The following PANX1 variants were observed in gnomAD, a reference collection of about 807,000 sequenced individuals.
The protein encoded by PANX1 is pannexin-1.
A neutral mutation model predicts 38.7 loss-of-function variants in PANX1; 30 were observed. That is an observed-to-expected ratio of 0.78 (90% CI 0.58 to 1.05). The LOEUF (loss-of-function observed/expected upper bound fraction) is 1.05. Among genes scored for constraint, PANX1 ranks in the 50% least tolerant of loss-of-function variants. The probability of loss-of-function intolerance (pLI) is 0.00; values close to 1 mark genes in which losing one functional copy is unlikely to be tolerated. For synonymous variants in PANX1, 230 were observed against 212.2 expected (o/e 1.08, Z -0.73); for missense variants, 551 against 517.2 (o/e 1.07, Z -0.63).
Position 94,168,323 on chromosome 11 carries a change from ACTAACCAGATGGATGGG to A in PANX1, c.322-10041_322-10025del, listed in dbSNP as rs1263829425. Among the ~76,000 whole-genome samples the A allele has an allele frequency of 2.2e-4, 34 of 152,156 alleles. No homozygotes were observed. In the South Asian group the frequency reaches 6.0e-3, roughly 27 times the overall value. On this transcript the variant is annotated intron_variant, in intron 2 of 4. Coordinates refer to ENST00000227638, the MANE Select transcript of PANX1 (RefSeq NM_015368.4). Reference sequence around the variant, plus strand: ...GGCTAGGTTACAGGGGACTTTGAAAACTAACCAGATGGATGGGCTAAATGCTGGGGACAGCGGGAGCC... The same window carrying A: ...GGCTAGGTTACAGGGGACTTTGAAAACTAAATGCTGGGGACAGCGGGAGCC...
rs1373402614 is a variant in PANX1 at position 94,128,972 on chromosome 11, C to T, written c.-341C>T. 5.3e-6 allele frequency: 1 copy of T among 189,748 alleles called. No homozygotes were observed. Among genetic ancestry groups the T allele is most frequent in the Non-Finnish European group, 1.1e-5 (1 of 93,574 alleles). The allele number at this position is 189,748 out of a possible 1,614,324, so 11.8% of individuals were successfully genotyped here. ...GGCCAGAGGGAAGCGCTTTGTTCCGCGCGTGGTTCCCGCGCCTGGGGGTGC... is the reference window on the plus strand; with the variant it reads ...GGCCAGAGGGAAGCGCTTTGTTCCGTGCGTGGTTCCCGCGCCTGGGGGTGC... On this transcript the variant is annotated 5_prime_UTR_variant, in exon 1 of 5. Coordinates refer to ENST00000227638, the MANE Select transcript of PANX1 (RefSeq NM_015368.4).
rs964306097 is a variant in PANX1 at position 94,137,034 on chromosome 11, A to G, written c.181+7541A>G. Among the ~76,000 whole-genome samples the G allele has an allele frequency of 4.6e-5, 7 of 151,274 alleles. No homozygotes were observed. The East Asian group carries it at 1.2e-3, about 26-fold the overall frequency. Reference sequence around the variant, plus strand: ...ATGGGGGGAGGTGCTACACATTTCTAGTGGCTCACACCTGTAATCCCAGCA... The same window carrying G: ...ATGGGGGGAGGTGCTACACATTTCTGGTGGCTCACACCTGTAATCCCAGCA... On this transcript the variant is annotated intron_variant, in intron 1 of 4. Coordinates refer to ENST00000227638, the MANE Select transcript of PANX1 (RefSeq NM_015368.4).
At chr11:94,177,058 C>T (rs1039073836) in intron 2 of PANX1, among the ~76,000 whole-genome samples, 2 of 151,742 alleles carry the variant, frequency 1.3e-5, no homozygotes, top group Non-Finnish European at 2.9e-5. Context: ...ATCTTCATGA[C>T]ACCTCTATTC....
chr11:94,165,369 TAA>T (rs1426970643), intron 2 of PANX1, among the ~76,000 whole-genome samples: 1 of 151,738 alleles, frequency 6.6e-6, no homozygotes, highest in Non-Finnish European at 1.5e-5. Context: ...TATTATACTT[TAA>T]GTTTTAGGGT....
intron 2 of PANX1, among the ~76,000 whole-genome samples, chr11:94,155,762 A>G (rs1477076060): frequency 1.3e-5 from 2 of 152,152 alleles, no homozygotes; most frequent in Admixed American, 1.3e-4. Context: ...TCAAGCGTCA[A>G]CTGTACTGCT....
rs1172507876 is a variant in PANX1 at position 94,180,111 on chromosome 11, A to C, written c.1055A>C (p.Glu352Ala). ...VKSYKCLKVL[E>A]NIKSSGQGID... ...TCATACAAGTGTCTTAAGGTACTGG[A>C]GAATATTAAGAGCAGTGGTCAGGGG... Residue 352 changes from glutamate (E) to alanine (A), a missense_variant, in exon 4 of 5, where the codon GAG becomes GCG. Coordinates refer to ENST00000227638, the MANE Select transcript of PANX1 (RefSeq NM_015368.4). The C allele has an allele frequency of 1.9e-6, 3 of 1,613,904 alleles. No homozygotes were observed. Among genetic ancestry groups the C allele is most frequent in the Non-Finnish European group, 2.5e-6 (3 of 1,179,992 alleles).
In PANX1 at chr11:94,165,207, A is replaced by G. The variant is rs376474757; in HGVS notation, c.321+11577A>G. Among the ~76,000 whole-genome samples the G allele has an allele frequency of 1.1e-4, 16 of 151,720 alleles. No homozygotes were observed. The East Asian group carries it at 2.1e-3, about 20-fold the overall frequency. The stretch of plus-strand genomic sequence containing the variant: ...TGATAGGTAAGGACTTACTACTGCA[A>G]TTTTGTTATTTGTTTTCTGGTTGTT... On this transcript the variant is annotated intron_variant, in intron 2 of 4. Coordinates refer to ENST00000227638, the MANE Select transcript of PANX1 (RefSeq NM_015368.4).
chr11:94,144,259 C>A (rs1367379630), intron 1 of PANX1, among the ~76,000 whole-genome samples: 1 of 152,032 alleles, frequency 6.6e-6, no homozygotes, highest in Non-Finnish European at 1.5e-5. Context: ...TCATTTCTTA[C>A]AATGCAAAAA....
chr11:94,160,547 C>T (rs904231167), intron 2 of PANX1, among the ~76,000 whole-genome samples: 12 of 152,058 alleles, frequency 7.9e-5, no homozygotes, highest in Non-Finnish European at 1.2e-4. Context: ...AGGATTGCAA[C>T]CCCTGCCTTT....
At chr11:94,164,337 T>C (rs1947079575) in intron 2 of PANX1, among the ~76,000 whole-genome samples, 1 of 152,232 alleles carries the variant, frequency 6.6e-6, no homozygotes, top group African/African-American at 2.4e-5. Flanking sequence ...TAGGTATTTA[T>C]TGCTTTAAAC....
intron 1 of PANX1, among the ~76,000 whole-genome samples, chr11:94,142,124 G>T (rs771821966): frequency 2.0e-5 from 3 of 152,150 alleles, no homozygotes; most frequent in Admixed American, 2.0e-4. Flanking sequence ...ACAGGACTGC[G>T]TGGGGCAAGC....
At chr11:94,158,508 C>G (rs1170664909) in intron 2 of PANX1, among the ~76,000 whole-genome samples, 1 of 151,468 alleles carries the variant, frequency 6.6e-6, no homozygotes, top group Non-Finnish European at 1.5e-5. Context: ...CTCTTTGAAG[C>G]AATTGTGAAT....
intron 2 of PANX1, among the ~76,000 whole-genome samples, chr11:94,161,104 T>A (rs1162987246): frequency 2.0e-5 from 3 of 152,274 alleles, no homozygotes; most frequent in Admixed American, 2.0e-4. Context: ...GCTGTTAGTC[T>A]GATGGGCTTC....
At chr11:94,149,041 T>A (rs919169536) in intron 1 of PANX1, among the ~76,000 whole-genome samples, 1 of 151,902 alleles carries the variant, frequency 6.6e-6, no homozygotes, top group Non-Finnish European at 1.5e-5. Flanking sequence ...AAAATAGGGG[T>A]GAAAGTACAC....
At chr11:94,172,947 C>G (rs1464987702) in intron 2 of PANX1, among the ~76,000 whole-genome samples, 1 of 151,756 alleles carries the variant, frequency 6.6e-6, no homozygotes, top group Admixed American at 6.5e-5. Flanking sequence ...GAATGTCACC[C>G]AGTGCAAACC....
intron 1 of PANX1, among the ~76,000 whole-genome samples, chr11:94,147,450 C>G (rs183559797): frequency 1.4e-3 from 208 of 152,094 alleles, no homozygotes; most frequent in African/African-American, 4.8e-3. Context: ...TGGTTTAGAC[C>G]TTGTGGGTGT....
At chr11:94,133,904 T>C (rs530501982) in intron 1 of PANX1, among the ~76,000 whole-genome samples, 42 of 152,320 alleles carry the variant, frequency 2.8e-4, no homozygotes, top group African/African-American at 9.6e-4. Context: ...GCTGAGGGAA[T>C]GGACGGAGTG....
chr11:94,172,627 G>A (rs1339499321), intron 2 of PANX1, among the ~76,000 whole-genome samples: 1 of 151,756 alleles, frequency 6.6e-6, no homozygotes, highest in East Asian at 1.9e-4. Context: ...GCAGAGTTGA[G>A]CAGCTGCAAC....
chr11:94,180,063 A>C lies in PANX1; in HGVS notation c.1007A>C (p.Glu336Ala), dbSNP rs557928663. 25 of 1,612,604 alleles carry C rather than the reference A, an allele frequency of 1.6e-5. No homozygotes were observed. The South Asian group carries it at 2.8e-4, about 18-fold the overall frequency. Residue 336 changes from glutamate to alanine, a missense_variant, in exon 4 of 5, where the codon GAG becomes GCG. Glu to Ala is a moderately radical substitution (Grantham distance 107). Transcript: ENST00000227638. The part of the protein sequence containing the change: ...NDLSLYNLFL[E>A]ENISEVKSYK... Reference sequence around the variant, plus strand: ...TTGAGCCTCTACAATCTCTTCTTGGAGGAAAATATAAGTGAGGTCAAGTCA... The same window carrying C: ...TTGAGCCTCTACAATCTCTTCTTGGCGGAAAATATAAGTGAGGTCAAGTCA...
Sources: gnomAD v4.1 joint callset for allele counts (sites outside exome capture counted in the v4.1 genomes callset) on GRCh38, gnomAD v4.1.1 for gene constraint, MANE v1.5 for transcripts, NCBI Gene and HGNC (gene_info 2026-07-23, HGNC 2026-07-21) for gene names.